ACSS2: variants seen among roughly 807,000 people sequenced by gnomAD.
The protein encoded by ACSS2 is acyl-CoA synthetase short chain family member 2.
ACSS2 carries 58 observed loss-of-function variants against 90.6 expected under a neutral mutation model. The observed-to-expected ratio is 0.64, with a 90% CI of 0.52 to 0.80. The LOEUF (loss-of-function observed/expected upper bound fraction) is 0.80. ACSS2 is among the 30% of genes least tolerant of loss of function. ACSS2 has a pLI of 0.00. For missense variants in ACSS2, 759 were observed against 912.0 expected, an observed-to-expected ratio of 0.83 and a Z score of 2.16; for synonymous variants, 300 against 330.9, an observed-to-expected ratio of 0.91 and a Z score of 1.01.
intron 2 of ACSS2, among the ~76,000 whole-genome samples, chr20:34,890,813 C>T (rs997912951): frequency 6.6e-6 from 1 of 152,096 alleles, no homozygotes; most frequent in African/African-American, 2.4e-5. Context: ...GAGAATAAGG[C>T]AACTTTAGGA....
rs146418798 is a variant in ACSS2 at position 34,916,073 on chromosome 20, T to C, written c.834+1636T>C. Among the ~76,000 whole-genome samples the C allele has an allele frequency of 6.7e-4, 102 of 152,372 alleles. 1 individual carries two copies. Among genetic ancestry groups the C allele is most frequent in the African/African-American group, 2.3e-3 (96 of 41,594 alleles). ...ACAGGGTGTCTTACTCTAAATCTGC[T>C]ATGATTAACCTCTTAGGCCAATGGT... is the stretch of plus-strand genomic sequence containing the variant. On this transcript the variant is annotated intron_variant, in intron 7 of 17. Coordinates refer to ENST00000360596, the MANE Select transcript of ACSS2 (RefSeq NM_018677.4).
intron 2 of ACSS2, among the ~76,000 whole-genome samples, chr20:34,909,198 A>G (rs1173807004): frequency 2.0e-5 from 3 of 148,740 alleles, no homozygotes; most frequent in Non-Finnish European, 3.0e-5. Flanking sequence ...TCTTTGCAAA[A>G]AAAAAAAAAA....
At chr20:34,910,841 G>A (rs2080935888) in intron 2 of ACSS2, among the ~76,000 whole-genome samples, 1 of 152,074 alleles carries the variant, frequency 6.6e-6, no homozygotes, top group Admixed American at 6.6e-5. Flanking sequence ...TTTATTTTTT[G>A]AGACAGGGAC....
upstream of ACSS2, chr20:34,875,148 G>A (rs45585744): frequency 3.7e-6 from 2 of 534,736 alleles, no homozygotes; most frequent in Non-Finnish European, 3.8e-6. Context: ...GTGAGAGATG[G>A]AGGAGGGTCC....
intron 2 of ACSS2, among the ~76,000 whole-genome samples, chr20:34,909,970 G>A (rs2080910354): frequency 6.6e-6 from 1 of 151,486 alleles, no homozygotes; most frequent in African/African-American, 2.4e-5. Flanking sequence ...GCCTGCCTTG[G>A]CCTCCCAAAG....
intron 2 of ACSS2, among the ~76,000 whole-genome samples, chr20:34,912,181 G>A (rs117516367): frequency 0.02 from 2,977 of 152,338 alleles, 53 homozygotes; most frequent in Middle Eastern, 0.031. Flanking sequence ...GCAAATGAAT[G>A]CATGAAGGAA....
intron 13 of ACSS2, 162 bp downstream of exon 13, chr20:34,922,028 A>G (rs761775738): frequency 1.3e-4 from 179 of 1,398,264 alleles, no homozygotes; most frequent in Non-Finnish European, 1.6e-4. Context: ...GGGACCCTCG[A>G]TACTTTGCCT....
At chr20:34,926,788 C>T in intron 16 of ACSS2, 89 bp from the exon 17 acceptor site, 7 of 1,336,750 alleles carry the variant, frequency 5.2e-6, no homozygotes, top group South Asian at 1.2e-5. Context: ...GAGGAGGAAA[C>T]AGGTGGGGAA....
chr20:34,893,296 G>A (rs1384523564), intron 2 of ACSS2, among the ~76,000 whole-genome samples: 1 of 152,060 alleles, frequency 6.6e-6, no homozygotes, highest in Admixed American at 6.6e-5. Flanking sequence ...CAAACTCCAA[G>A]GTCCAAGTGA....
At chr20:34,889,088 G>A (rs185586969) in intron 2 of ACSS2, among the ~76,000 whole-genome samples, 1 of 145,220 alleles carries the variant, frequency 6.9e-6, no homozygotes, top group East Asian at 2.0e-4. Flanking sequence ...CACTGCACCC[G>A]CCATCATGCC....
At chr20:34,891,578 T>C (rs894928947) in intron 2 of ACSS2, among the ~76,000 whole-genome samples, 1 of 152,184 alleles carries the variant, frequency 6.6e-6, no homozygotes, top group Non-Finnish European at 1.5e-5. Context: ...AAGGAGTCTG[T>C]TCCTCTTGCC....
intron 14 of ACSS2, 138 bp from the exon 15 acceptor site, chr20:34,925,560 G>A: frequency 1.2e-6 from 1 of 822,586 alleles, no homozygotes; most frequent in East Asian, 2.7e-5. Context: ...CCTCTTGGAG[G>A]CTGGCTACTA....
intron 2 of ACSS2, among the ~76,000 whole-genome samples, chr20:34,904,043 A>G (rs2080738361): frequency 6.6e-6 from 1 of 152,138 alleles, no homozygotes; most frequent in South Asian, 2.1e-4. Flanking sequence ...CTCAGGGTAT[A>G]ATGGGAAAGA....
At chr20:34,877,940 ATAGT>A (rs879598896) in intron 1 of ACSS2, among the ~76,000 whole-genome samples, 5 of 148,576 alleles carry the variant, frequency 3.4e-5, no homozygotes, top group Non-Finnish European at 4.4e-5. Context: ...AGATAGATAG[ATAGT>A]TTGTTTTGAG....
intron 2 of ACSS2, among the ~76,000 whole-genome samples, chr20:34,907,092 G>A (rs2080825014): frequency 6.7e-6 from 1 of 150,066 alleles, no homozygotes; most frequent in South Asian, 2.1e-4. Flanking sequence ...TTCAAATAAT[G>A]GAACGTTTCA....
intron 7 of ACSS2, chr20:34,915,215 C>G: frequency 6.2e-7 from 1 of 1,613,928 alleles, no homozygotes; most frequent in Non-Finnish European, 8.5e-7. Flanking sequence ...GGGCTCTTAA[C>G]AGGGTAAACT....
intron 4 of ACSS2, 25 bp from the exon 5 acceptor site, chr20:34,913,728 C>A: frequency 6.2e-7 from 1 of 1,609,054 alleles, no homozygotes; most frequent in Non-Finnish European, 8.5e-7. Flanking sequence ...TTCTTCTCTC[C>A]CTCAGACTTT....
upstream of ACSS2, chr20:34,876,391 T>A (rs1481543667): frequency 2.8e-6 from 1 of 356,436 alleles, no homozygotes; most frequent in Non-Finnish European, 4.9e-6. Flanking sequence ...ACGGCGTCAC[T>A]CCTTCCGGCA....
At chr20:34,906,765 C>A (rs1006577366) in intron 2 of ACSS2, among the ~76,000 whole-genome samples, 16 of 151,930 alleles carry the variant, frequency 1.1e-4, no homozygotes, top group Non-Finnish European at 2.2e-4. Flanking sequence ...GGCGGATCAC[C>A]TGAGGTCAGG....
Sources: allele counts gnomAD v4.1 joint callset (sites outside exome capture counted in the v4.1 genomes callset), GRCh38; gene constraint gnomAD v4.1.1; transcripts MANE v1.5; gene names NCBI Gene and HGNC (gene_info 2026-07-23, HGNC 2026-07-21).